DNAJC1: variants seen among roughly 807,000 people sequenced by gnomAD.
The protein encoded by DNAJC1 is DnaJ heat shock protein family (Hsp40) member C1, also known as dnaJ homolog subfamily C member 1.
DNAJC1 carries 58 observed loss-of-function variants against 76.6 expected under a neutral mutation model. The observed-to-expected ratio is 0.76, with a 90% confidence interval of 0.61 to 0.94. The LOEUF is 0.94. Ranked by LOEUF, DNAJC1 falls within the 40% of genes least tolerant of loss-of-function variation. The pLI is 0.00. For synonymous variants in DNAJC1, 258 were observed against 267.9 expected (o/e 0.96, Z 0.36); for missense variants, 689 against 677.3 (o/e 1.02, Z -0.19).
intron 1 of DNAJC1, among the ~76,000 whole-genome samples, chr10:21,998,273 C>T (rs1411718520): frequency 1.3e-5 from 2 of 151,490 alleles, no homozygotes; most frequent in Non-Finnish European, 2.9e-5. Context: ...GCCTGTAATC[C>T]CAGCTACTCG....
intron 9 of DNAJC1, among the ~76,000 whole-genome samples, chr10:21,771,610 G>C (rs1834378704): frequency 6.6e-6 from 1 of 152,060 alleles, no homozygotes; most frequent in Non-Finnish European, 1.5e-5. Context: ...TGATTCTCCT[G>C]CCTCAGCCTC....
chr10:21,831,180 GT>G (rs1835351726), intron 8 of DNAJC1, among the ~76,000 whole-genome samples: 1 of 152,126 alleles, frequency 6.6e-6, no homozygotes, highest in Non-Finnish European at 1.5e-5. Flanking sequence ...CTAAAGAATA[GT>G]TTTTGCTCTG....
intron 8 of DNAJC1, among the ~76,000 whole-genome samples, chr10:21,872,131 T>C (rs1455473197): frequency 6.6e-6 from 1 of 150,822 alleles, no homozygotes; most frequent in African/African-American, 2.4e-5. Flanking sequence ...TGGAGTGCAG[T>C]GGTGTGACCT....
chr10:21,993,461 G>A (rs759979387), intron 1 of DNAJC1, among the ~76,000 whole-genome samples: 1 of 152,296 alleles, frequency 6.6e-6, no homozygotes, highest in Non-Finnish European at 1.5e-5. Flanking sequence ...AAAAGGCCCT[G>A]CAAAATACTG....
chr10:21,827,058 C>T (rs951139760), intron 8 of DNAJC1, among the ~76,000 whole-genome samples: 1 of 151,668 alleles, frequency 6.6e-6, no homozygotes, highest in Non-Finnish European at 1.5e-5. Flanking sequence ...ATTTTAATAA[C>T]ATTAAGTCTT....
At chr10:21,831,900 C>T (rs994813920) in intron 8 of DNAJC1, among the ~76,000 whole-genome samples, 1 of 151,688 alleles carries the variant, frequency 6.6e-6, no homozygotes, top group Non-Finnish European at 1.5e-5. Context: ...AGGATTGATA[C>T]ATTTACTCTT....
intron 8 of DNAJC1, among the ~76,000 whole-genome samples, chr10:21,850,366 A>G (rs1009667434): frequency 6.6e-6 from 1 of 152,146 alleles, no homozygotes; most frequent in Non-Finnish European, 1.5e-5. Context: ...CATTTACAAC[A>G]GCATGAAACA....
intron 10 of DNAJC1, 112 bp from the exon 11 acceptor site, chr10:21,759,730 A>C: frequency 2.2e-6 from 2 of 919,296 alleles, no homozygotes; most frequent in South Asian, 3.3e-5. Context: ...TTTTGCATGC[A>C]TGGTTTAATT....
At chr10:21,874,157 T>C (rs1040089989) in intron 8 of DNAJC1, among the ~76,000 whole-genome samples, 2 of 152,214 alleles carry the variant, frequency 1.3e-5, no homozygotes, top group African/African-American at 4.8e-5. Flanking sequence ...AGCTCACTCT[T>C]GTAATCCCAG....
At chr10:21,967,815 CAGT>C (rs1837917019) in intron 1 of DNAJC1, among the ~76,000 whole-genome samples, 1 of 152,126 alleles carries the variant, frequency 6.6e-6, no homozygotes, top group African/African-American at 2.4e-5. Flanking sequence ...AGGTAGGGGG[CAGT>C]ACTCATGTAT....
chr10:21,857,887 C>G lies in DNAJC1; in HGVS notation c.978+24395G>C, dbSNP rs377697145. On this transcript the variant is annotated intron_variant, in intron 8 of 11. Transcript: ENST00000376980. The stretch of plus-strand genomic sequence containing the variant: ...CAAACAAACAAACAAAAAAAAAAAC[C>G]GGGTATGTTTGTGTGCGTTCTGGGA... Among the ~76,000 whole-genome samples the G allele has an allele frequency of 2.6e-5, 4 of 151,730 alleles. No homozygotes were observed. The East Asian group carries it at 7.8e-4, about 29-fold the overall frequency.
chr10:21,936,230 T>C (rs541095636), intron 1 of DNAJC1, among the ~76,000 whole-genome samples: 2 of 152,282 alleles, frequency 1.3e-5, no homozygotes, highest in Admixed American at 6.5e-5. Flanking sequence ...GGACCATCTA[T>C]GAGGAAGGGG....
chr10:21,982,726 A>T (rs892976441), intron 1 of DNAJC1, among the ~76,000 whole-genome samples: 11 of 152,016 alleles, frequency 7.2e-5, no homozygotes, highest in Non-Finnish European at 1.3e-4. Flanking sequence ...ATAAAAAAAA[A>T]AAAAAAGTAA....
intron 8 of DNAJC1, among the ~76,000 whole-genome samples, chr10:21,868,090 C>CAAAAAAAAACA (rs1564812359): frequency 2.9e-5 from 3 of 103,602 alleles, no homozygotes; most frequent in African/African-American, 1.1e-4. Flanking sequence ...AAAAAAAAAA[C>CAAAAAAAAACA]AAAAAAAAAA....
intron 8 of DNAJC1, among the ~76,000 whole-genome samples, chr10:21,878,209 T>TA (rs752746801): frequency 8.3e-4 from 127 of 152,300 alleles, no homozygotes; most frequent in Middle Eastern, 3.4e-3. Context: ...CTAAACATGA[T>TA]AAAAAATACA....
At chr10:21,833,417 G>A (rs1388482051) in intron 8 of DNAJC1, among the ~76,000 whole-genome samples, 2 of 152,216 alleles carry the variant, frequency 1.3e-5, no homozygotes, top group Non-Finnish European at 2.9e-5. Context: ...GTTGCAGTGA[G>A]CCGAGATGGT....
intron 7 of DNAJC1, among the ~76,000 whole-genome samples, chr10:21,898,015 CA>C (rs1243654327): frequency 6.6e-6 from 1 of 152,182 alleles, no homozygotes; most frequent in East Asian, 1.9e-4. Context: ...TAAGTAAATT[CA>C]GCAAGTTAGC....
intron 6 of DNAJC1, among the ~76,000 whole-genome samples, chr10:21,910,373 C>T (rs777511000): frequency 2.0e-5 from 3 of 152,102 alleles, no homozygotes; most frequent in Non-Finnish European, 4.4e-5. Context: ...CCTTGGCCTC[C>T]CAAAGTGCTG....
intron 1 of DNAJC1, among the ~76,000 whole-genome samples, chr10:21,942,299 C>A (rs1837427341): frequency 6.6e-6 from 1 of 152,068 alleles, no homozygotes; most frequent in Non-Finnish European, 1.5e-5. Context: ...CAGTCATAAA[C>A]CCTTATGTTC....
Sources: allele counts gnomAD v4.1 joint callset (sites outside exome capture counted in the v4.1 genomes callset), GRCh38; gene constraint gnomAD v4.1.1; transcripts MANE v1.5; gene names NCBI Gene and HGNC (gene_info 2026-07-23, HGNC 2026-07-21).